The following SGCZ variants were observed in gnomAD, a reference collection of about 807,000 sequenced individuals.
SGCZ encodes the protein zeta-sarcoglycan.
SGCZ carries 40 observed loss-of-function variants against 41.3 expected under a neutral mutation model. The observed-to-expected ratio is 0.97, with a 90% CI of 0.75 to 1.26. SGCZ has a LOEUF of 1.26. Ranked by LOEUF, SGCZ falls within the 50% of genes most tolerant of loss-of-function variation. SGCZ has a pLI of 0.00. For missense variants in SGCZ, 552 were observed against 369.8 expected, an observed-to-expected ratio of 1.49 and a Z score of -4.04; for synonymous variants, 206 against 137.5, an observed-to-expected ratio of 1.50 and a Z score of -3.49.
intron 2 of SGCZ, among the ~76,000 whole-genome samples, chr8:14,543,140 T>C (rs902973706): frequency 1.3e-5 from 2 of 151,984 alleles, no homozygotes; most frequent in Admixed American, 1.3e-4. Flanking sequence ...ATATATTACA[T>C]GTATTTTCAC....
chr8:14,869,604 G>C (rs1039702499), intron 1 of SGCZ, among the ~76,000 whole-genome samples: 1 of 152,188 alleles, frequency 6.6e-6, no homozygotes, highest in Non-Finnish European at 1.5e-5. Flanking sequence ...TCAGGCAAGA[G>C]AAAGAAATGA....
chr8:14,355,476 T>C (rs1259571970), intron 2 of SGCZ, among the ~76,000 whole-genome samples: 1 of 152,118 alleles, frequency 6.6e-6, no homozygotes, highest in Non-Finnish European at 1.5e-5. Context: ...TGAAGACTTT[T>C]TGAATCTCTA....
chr8:14,755,618 C>A (rs1258431209), intron 1 of SGCZ, among the ~76,000 whole-genome samples: 1 of 152,058 alleles, frequency 6.6e-6, no homozygotes, highest in African/African-American at 2.4e-5. Context: ...CATGACCATG[C>A]TGGAAAATAT....
chr8:14,575,315 G>C (rs916989001), intron 1 of SGCZ, among the ~76,000 whole-genome samples: 2 of 152,174 alleles, frequency 1.3e-5, no homozygotes, highest in African/African-American at 4.8e-5. Flanking sequence ...GAGTTGAATG[G>C]AAATAGCAAG....
At chr8:14,224,423 G>GGTGAA (rs1452337448) in intron 4 of SGCZ, among the ~76,000 whole-genome samples, 2 of 152,128 alleles carry the variant, frequency 1.3e-5, no homozygotes, top group Non-Finnish European at 2.9e-5. Context: ...TAGCTCTGAA[G>GGTGAA]GTGAAAGGGA....
At chr8:14,913,732 A>C (rs1799345496) in intron 1 of SGCZ, among the ~76,000 whole-genome samples, 1 of 152,090 alleles carries the variant, frequency 6.6e-6, no homozygotes, top group Admixed American at 6.6e-5. Flanking sequence ...TTCATTTAAA[A>C]ATTTATATAA....
chr8:14,863,345 G>C (rs577248721), intron 1 of SGCZ, among the ~76,000 whole-genome samples: 19 of 152,126 alleles, frequency 1.2e-4, no homozygotes, highest in African/African-American at 4.1e-4. Flanking sequence ...TATTTTTAGA[G>C]AAAGGATTTC....
chr8:15,191,809 C>T (rs1010991712), intron 1 of SGCZ, among the ~76,000 whole-genome samples: 7 of 151,968 alleles, frequency 4.6e-5, no homozygotes, highest in Non-Finnish European at 7.4e-5. Flanking sequence ...CAACTCAGTC[C>T]TACCTATTTA....
intron 1 of SGCZ, among the ~76,000 whole-genome samples, chr8:14,804,090 A>G (rs1445798417): frequency 3.0e-5 from 3 of 99,218 alleles, no homozygotes; most frequent in Non-Finnish European, 5.6e-5. Context: ...CATCACCATC[A>G]TCAAAGACCA....
intron 1 of SGCZ, among the ~76,000 whole-genome samples, chr8:14,728,379 G>GA (rs35151621): frequency 0.3 from 40,840 of 137,856 alleles, 6,192 homozygotes; most frequent in East Asian, 0.42. Flanking sequence ...AGAGTGGAAA[G>GA]AAAAAAAAAA....
chr8:14,436,291 C>G (rs1018464962), intron 2 of SGCZ, among the ~76,000 whole-genome samples: 11 of 152,146 alleles, frequency 7.2e-5, no homozygotes, highest in African/African-American at 2.7e-4. Flanking sequence ...GAGGACAGAT[C>G]TGTAAGAGCG....
chr8:14,566,361 G>A (rs533587874), intron 1 of SGCZ, among the ~76,000 whole-genome samples: 5 of 152,284 alleles, frequency 3.3e-5, no homozygotes, highest in East Asian at 3.9e-4. Context: ...AAAAGTGGCC[G>A]AATGGCCATC....
At chr8:14,488,765 A>G (rs1801754802) in intron 2 of SGCZ, among the ~76,000 whole-genome samples, 1 of 135,406 alleles carries the variant, frequency 7.4e-6, no homozygotes, top group East Asian at 2.1e-4. Flanking sequence ...TTGTTTCAGC[A>G]GAGTTGAATT....
At chr8:14,723,191 C>T (rs1240053941) in intron 1 of SGCZ, among the ~76,000 whole-genome samples, 1 of 152,138 alleles carries the variant, frequency 6.6e-6, no homozygotes, top group East Asian at 1.9e-4. Flanking sequence ...TTGACTAAGT[C>T]AGCATAATTG....
intron 2 of SGCZ, among the ~76,000 whole-genome samples, chr8:14,553,311 G>T (rs1011286296): frequency 6.6e-6 from 1 of 151,976 alleles, no homozygotes; most frequent in Admixed American, 6.6e-5. Flanking sequence ...TCTCATAAGG[G>T]AGAATGTACC....
intron 1 of SGCZ, among the ~76,000 whole-genome samples, chr8:14,974,239 T>G (rs751114939): frequency 1.3e-5 from 2 of 152,242 alleles, no homozygotes; most frequent in African/African-American, 2.4e-5. Context: ...AAAACGTATG[T>G]TGTAATTTAA....
intron 6 of SGCZ, among the ~76,000 whole-genome samples, chr8:14,106,354 TAC>T: frequency 6.6e-6 from 1 of 152,360 alleles, no homozygotes; most frequent in South Asian, 2.1e-4. Flanking sequence ...AGATGCTGTT[TAC>T]ACACACTCCT....
At chr8:14,628,175 C>T (rs1025067499) in intron 1 of SGCZ, among the ~76,000 whole-genome samples, 1 of 152,048 alleles carries the variant, frequency 6.6e-6, no homozygotes, top group Non-Finnish European at 1.5e-5. Context: ...AATCCATTAA[C>T]AAGGTGGGGG....
At chr8:14,581,711 C>G (rs915686986) in intron 1 of SGCZ, among the ~76,000 whole-genome samples, 2 of 152,018 alleles carry the variant, frequency 1.3e-5, no homozygotes, top group Admixed American at 1.3e-4. Context: ...CTGCAACTCC[C>G]CAAACTGTCA....
Sources: allele counts gnomAD v4.1 joint callset (sites outside exome capture counted in the v4.1 genomes callset), GRCh38; gene constraint gnomAD v4.1.1; transcripts MANE v1.5; gene names NCBI Gene and HGNC (gene_info 2026-07-23, HGNC 2026-07-21).